The following CENPP variants were observed in gnomAD, a reference collection of about 807,000 sequenced individuals.
CENPP encodes the protein centromere protein P.
In CENPP, 24 loss-of-function variants were observed where a neutral mutation model predicts 35.6. That is an observed-to-expected ratio of 0.67 (90% CI 0.49 to 0.95). The LOEUF is 0.95. Ranked by LOEUF, CENPP falls within the 40% of genes least tolerant of loss-of-function variation. CENPP has a pLI of 0.00. For synonymous variants in CENPP, 120 were observed against 125.5 expected (o/e 0.96, Z 0.29); for missense variants, 332 against 345.3 (o/e 0.96, Z 0.31).
At chr9:92,426,779 C>T (rs751835302) in intron 5 of CENPP, among the ~76,000 whole-genome samples, 28 of 152,112 alleles carry the variant, frequency 1.8e-4, no homozygotes, top group Non-Finnish European at 3.5e-4. Flanking sequence ...GAGTTGAAGA[C>T]ATCAGTATGA....
At chr9:92,348,938 A>G (rs1214783182) in intron 4 of CENPP, among the ~76,000 whole-genome samples, 4 of 142,302 alleles carry the variant, frequency 2.8e-5, no homozygotes, top group African/African-American at 9.9e-5. Context: ...TTAGTGTGTC[A>G]TGTGTGTGTG....
chr9:92,460,590 T>C (rs1312742111), intron 5 of CENPP: 1 of 1,389,508 alleles, frequency 7.2e-7, no homozygotes, highest in Non-Finnish European at 1.0e-6. Context: ...GAAATATATA[T>C]GTTAAGTCAA....
At chr9:92,512,153 G>T in intron 5 of CENPP, 1 of 1,539,494 alleles carries the variant, frequency 6.5e-7, no homozygotes, top group Non-Finnish European at 9.0e-7. Context: ...TTATGTTTTA[G>T]GCATGTGTGC....
chr9:92,459,580 A>G, intron 5 of CENPP: 1 of 1,579,596 alleles, frequency 6.3e-7, no homozygotes, highest in Non-Finnish European at 8.6e-7. Flanking sequence ...AGTGTGTTAT[A>G]AAAACTGAAG....
At chr9:92,494,184 A>G (rs1483357461) in intron 5 of CENPP, 1 of 1,583,810 alleles carries the variant, frequency 6.3e-7, no homozygotes, top group Non-Finnish European at 8.6e-7. Flanking sequence ...GAATGAATGA[A>G]TCGTTTAGTA....
intron 5 of CENPP, among the ~76,000 whole-genome samples, chr9:92,402,580 A>T (rs533808581): frequency 6.6e-6 from 1 of 152,334 alleles, no homozygotes; most frequent in South Asian, 2.1e-4. Flanking sequence ...TAGTTTGCCC[A>T]TAAAGGTGGG....
At chr9:92,470,498 T>A (rs551539972) in intron 5 of CENPP, among the ~76,000 whole-genome samples, 8 of 152,360 alleles carry the variant, frequency 5.3e-5, no homozygotes, top group Admixed American at 4.6e-4. Context: ...GACTATTAAT[T>A]GAATGAAATC....
intron 5 of CENPP, among the ~76,000 whole-genome samples, chr9:92,495,003 T>A (rs1846283526): frequency 6.6e-6 from 1 of 152,074 alleles, no homozygotes; most frequent in Non-Finnish European, 1.5e-5. Context: ...TTGGCTATGC[T>A]GGTTCCTCTC....
At chr9:92,388,695 G>T (rs1433113710) in intron 5 of CENPP, among the ~76,000 whole-genome samples, 2 of 151,870 alleles carry the variant, frequency 1.3e-5, no homozygotes, top group Non-Finnish European at 2.9e-5. Flanking sequence ...AGCCGGGCGT[G>T]GTGGTGTGTG....
At chr9:92,546,741 A>G (rs896251360) in intron 5 of CENPP, among the ~76,000 whole-genome samples, 4 of 152,216 alleles carry the variant, frequency 2.6e-5, no homozygotes, top group African/African-American at 9.6e-5. Flanking sequence ...ACACAATACT[A>G]TGAACAATTT....
chr9:92,348,983 T>C (rs1180647950), intron 4 of CENPP, among the ~76,000 whole-genome samples: 1 of 152,234 alleles, frequency 6.6e-6, no homozygotes, highest in Admixed American at 6.5e-5. Context: ...CTTAATTTTG[T>C]GTTTCTGTAG....
intron 5 of CENPP, among the ~76,000 whole-genome samples, chr9:92,574,568 G>T (rs1169542185): frequency 1.3e-5 from 2 of 152,164 alleles, no homozygotes; most frequent in Non-Finnish European, 2.9e-5. Flanking sequence ...ATTGCTGAAA[G>T]AAAATAAGAC....
chr9:92,470,336 T>G (rs992458504), intron 5 of CENPP, among the ~76,000 whole-genome samples: 11 of 152,364 alleles, frequency 7.2e-5, no homozygotes, highest in Non-Finnish European at 1.0e-4. Flanking sequence ...TTACACTGTT[T>G]GCTAATGATT....
chr9:92,613,553 C>T lies in CENPP; in HGVS notation c.*404C>T, dbSNP rs1022693861. 16 of 205,642 alleles carry T rather than the reference C, an allele frequency of 7.8e-5. No homozygotes were observed. The highest frequency in any genetic ancestry group is 1.4e-4 in the Non-Finnish European group (14 of 99,780). The allele number at this position is 205,642 out of a possible 1,614,324, so 12.7% of individuals were successfully genotyped here. A position where few individuals can be genotyped will look rare whatever the true frequency, so the allele number is the denominator to read the frequency against. On this transcript the variant is annotated 3_prime_UTR_variant, in exon 8 of 8. Transcript: ENST00000375587. ...TCCTGCCTCCTGGGGGCTCTGGAGA[C>T]GGATGCCTATGGCGCCTCATCTTTA... is the stretch of plus-strand genomic sequence containing the variant.
At chr9:92,345,544 T>G (rs1017406441) in intron 3 of CENPP, among the ~76,000 whole-genome samples, 155 bp from the exon 4 acceptor site, 3 of 152,156 alleles carry the variant, frequency 2.0e-5, no homozygotes, top group African/African-American at 7.2e-5. Flanking sequence ...ACAATTATTA[T>G]TAGTGAGATT....
chr9:92,474,973 A>G (rs563265850), intron 5 of CENPP: 1 of 1,457,838 alleles, frequency 6.9e-7, no homozygotes, highest in Admixed American at 3.0e-5. Context: ...TAATTCCTGC[A>G]TATATACATT....
At chr9:92,472,030 C>T (rs566295296) in intron 5 of CENPP, among the ~76,000 whole-genome samples, 10 of 152,266 alleles carry the variant, frequency 6.6e-5, no homozygotes, top group African/African-American at 2.4e-4. Context: ...ACATTCTATC[C>T]TACAGCTCTA....
At chr9:92,479,401 T>C (rs1180312849) in intron 5 of CENPP, among the ~76,000 whole-genome samples, 1 of 152,216 alleles carries the variant, frequency 6.6e-6, no homozygotes, top group African/African-American at 2.4e-5. Flanking sequence ...CTTTAGCTGT[T>C]GGGAAGCATT....
intron 5 of CENPP, among the ~76,000 whole-genome samples, chr9:92,542,607 C>T (rs543510237): frequency 6.6e-6 from 1 of 152,182 alleles, no homozygotes; most frequent in South Asian, 2.1e-4. Flanking sequence ...ATCTCTGCCT[C>T]CCGGGTTCAA....
Sources: allele counts gnomAD v4.1 joint callset (sites outside exome capture counted in the v4.1 genomes callset), GRCh38; gene constraint gnomAD v4.1.1; transcripts MANE v1.5; gene names NCBI Gene and HGNC (gene_info 2026-07-23, HGNC 2026-07-21).